Variants in FABP6 observed in about 807,000 individuals in gnomAD.
FABP6 encodes the protein fatty acid binding protein 6.
FABP6 carries 13 observed loss-of-function variants against 14.9 expected under a neutral mutation model. The observed-to-expected ratio is 0.87, with a 90% CI of 0.57 to 1.39. The LOEUF is 1.39. FABP6 is among the 40% of genes most tolerant of loss of function. FABP6 has a pLI of 0.00. For synonymous variants in FABP6, 75 were observed against 63.6 expected (o/e 1.18, Z -0.85); for missense variants, 161 against 167.2 (o/e 0.96, Z 0.20).
At chr5:160,208,624 G>A (rs987232542) in intron 2 of FABP6, among the ~76,000 whole-genome samples, 5 of 151,788 alleles carry the variant, frequency 3.3e-5, no homozygotes, top group Admixed American at 6.6e-5. Context: ...CATAAGAGTG[G>A]ATTAGTTATC....
intron 3 of FABP6, among the ~76,000 whole-genome samples, chr5:160,216,915 G>A (rs750533039): frequency 1.1e-4 from 17 of 152,156 alleles, no homozygotes; most frequent in Non-Finnish European, 1.9e-4. Context: ...AAGGCTACAT[G>A]TAATCAAATT....
intron 3 of FABP6, among the ~76,000 whole-genome samples, chr5:160,237,086 T>A (rs957245623): frequency 2.6e-5 from 4 of 152,096 alleles, no homozygotes; most frequent in African/African-American, 9.7e-5. Context: ...AAAACTGACA[T>A]TTTGAAGGAT....
chr5:160,229,727 T>C (rs1760327894), intron 1 of FABP6, 103 bp downstream of exon 1: 2 of 934,850 alleles, frequency 2.1e-6, no homozygotes, highest in South Asian at 3.1e-5. Flanking sequence ...ATCCATTCAT[T>C]CACTCACTCA....
At chr5:160,238,564 G>C in intron 3 of FABP6, 42 bp from the exon 4 acceptor site, 1 of 1,591,712 alleles carries the variant, frequency 6.3e-7, no homozygotes. Flanking sequence ...GGCTACCTTG[G>C]GGTGGGGCAC....
intron 1 of FABP6, chr5:160,197,849 C>T (rs967172524): frequency 1.3e-5 from 2 of 151,886 alleles, no homozygotes; most frequent in African/African-American, 4.8e-5. Flanking sequence ...CCGGAAACTC[C>T]TGTCAGCTCC....
At chr5:160,205,424 A>G (rs532062498) in intron 2 of FABP6, among the ~76,000 whole-genome samples, 1 of 151,740 alleles carries the variant, frequency 6.6e-6, no homozygotes, top group Admixed American at 6.6e-5. Flanking sequence ...ACATGCCTGC[A>G]CAAGTGTGCA....
At chr5:160,200,600 G>C (rs1759615379) in intron 2 of FABP6, among the ~76,000 whole-genome samples, 1 of 152,144 alleles carries the variant, frequency 6.6e-6, no homozygotes, top group Non-Finnish European at 1.5e-5. Context: ...TTTTAGTAGA[G>C]ACGGGGTTTC....
upstream of FABP6, among the ~76,000 whole-genome samples, chr5:160,227,649 C>G (rs1184105546): frequency 6.6e-6 from 1 of 151,646 alleles, no homozygotes; most frequent in African/African-American, 2.4e-5. Context: ...TCACACACGG[C>G]ACTCCAGCCT....
Position 160,217,638 on chromosome 5 carries a change from A to T in FABP6, c.135+3819A>T, listed in dbSNP as rs984093870. ...TTTATCTTATTTATTTATTTATTTT[A>T]TTATTATTATTATTTTTGGACAGAA... On this transcript the variant is annotated intron_variant, in intron 3 of 6. Coordinates refer to the FABP6 transcript ENST00000393980. Among the ~76,000 whole-genome samples the T allele has an allele frequency of 5.9e-5, 9 of 151,306 alleles. 1 individual carries two copies. The East Asian group carries it at 7.7e-4, about 13-fold the overall frequency.
chr5:160,232,009 G>A (rs1430727828), intron 1 of FABP6, 89 bp from the exon 2 acceptor site: 7 of 1,451,534 alleles, frequency 4.8e-6, no homozygotes, highest in Non-Finnish European at 6.6e-6. Flanking sequence ...AGGGGGTAGG[G>A]CGGTGGGGGT....
chr5:160,200,277 T>C (rs1157923509), intron 2 of FABP6, among the ~76,000 whole-genome samples: 1 of 151,098 alleles, frequency 6.6e-6, no homozygotes, highest in Non-Finnish European at 1.5e-5. Context: ...TGGCCACCTA[T>C]TGAGCAGAGG....
intron 1 of FABP6, among the ~76,000 whole-genome samples, chr5:160,188,421 G>C (rs1233283579): frequency 1.3e-5 from 2 of 152,140 alleles, no homozygotes; most frequent in Non-Finnish European, 2.9e-5. Context: ...GGAACTGGGC[G>C]GTGGGAGGTG....
chr5:160,213,823 T>G (rs1470321048), intron 3 of FABP6: 9 of 1,612,806 alleles, frequency 5.6e-6, no homozygotes, highest in African/African-American at 1.3e-5. Context: ...AGGAAAGGTA[T>G]GGGGTAGAAG....
At chr5:160,226,012 A>G (rs1020706644), upstream of FABP6, among the ~76,000 whole-genome samples, 3 of 151,628 alleles carry the variant, frequency 2.0e-5, no homozygotes, top group African/African-American at 7.3e-5. Context: ...TGTCTCTATT[A>G]AAAACAGAAA....
At chr5:160,192,983 C>T (rs1580894770) in intron 1 of FABP6, among the ~76,000 whole-genome samples, 1 of 152,196 alleles carries the variant, frequency 6.6e-6, no homozygotes, top group Non-Finnish European at 1.5e-5. Context: ...TGGTGGTGCA[C>T]ACCTGTAGTC....
intron 3 of FABP6, among the ~76,000 whole-genome samples, chr5:160,222,675 AAAATAAACCCCCTTTT>A: frequency 6.6e-6 from 1 of 152,318 alleles, no homozygotes; most frequent in South Asian, 2.1e-4. Flanking sequence ...TTATAATCAG[AAAATAAACCCCCTTTT>A]TATTATAAAA....
At chr5:160,231,055 C>G (rs1310907316) in intron 1 of FABP6, among the ~76,000 whole-genome samples, 1 of 152,200 alleles carries the variant, frequency 6.6e-6, no homozygotes, top group East Asian at 1.9e-4. Context: ...GTGTAACTCT[C>G]AAGGTTCAGA....
At chr5:160,191,996 A>T (rs1205105963) in intron 1 of FABP6, among the ~76,000 whole-genome samples, 2 of 151,242 alleles carry the variant, frequency 1.3e-5, no homozygotes, top group Non-Finnish European at 2.9e-5. Flanking sequence ...AAAAGAAAAA[A>T]AAAGAAATCC....
chr5:160,219,134 C>A (rs1760079273), intron 3 of FABP6, among the ~76,000 whole-genome samples: 1 of 152,056 alleles, frequency 6.6e-6, no homozygotes, highest in African/African-American at 2.4e-5. Context: ...GGAGTTTAAT[C>A]AAGGAATTGA....
Sources: allele counts gnomAD v4.1 joint callset (sites outside exome capture counted in the v4.1 genomes callset), GRCh38; gene constraint gnomAD v4.1.1; transcripts MANE v1.5; gene names NCBI Gene and HGNC (gene_info 2026-07-23, HGNC 2026-07-21).